NPNT: variants seen among roughly 807,000 people sequenced by gnomAD.
NPNT encodes the protein nephronectin.
NPNT carries 45 observed loss-of-function variants against 68.6 expected under a neutral mutation model. The observed-to-expected ratio is 0.66, with a 90% confidence interval of 0.52 to 0.84. NPNT has a LOEUF of 0.84. Among genes scored for constraint, NPNT ranks in the 40% least tolerant of loss-of-function variants. NPNT has a pLI of 0.00. For missense variants in NPNT, 672 were observed against 714.8 expected, an observed-to-expected ratio of 0.94 and a Z score of 0.68; for synonymous variants, 233 against 253.3, an observed-to-expected ratio of 0.92 and a Z score of 0.76.
rs1316579900 is a variant in NPNT at position 105,971,150 on chromosome 4, T to C, written c.*2160T>C. The C allele has an allele frequency of 1.1e-5, 5 of 455,804 alleles. No individual in the cohort carries two copies. The highest frequency in any genetic ancestry group is 1.8e-5 in the Non-Finnish European group (4 of 226,426). The allele number at this position is 455,804 out of a possible 1,614,324, so 28.2% of individuals were successfully genotyped here. A position where few individuals can be genotyped will look rare whatever the true frequency, so the allele number is the denominator to read the frequency against. On this transcript the variant is annotated 3_prime_UTR_variant, in exon 12 of 12. Coordinates refer to ENST00000379987, the MANE Select transcript of NPNT (RefSeq NM_001033047.3). Reference sequence around the variant, plus strand: ...GGAACACAGTTCAGAGAGATTTTCATCGGGTGCATTCTCTCTGCTTCGTGT... The same window carrying C: ...GGAACACAGTTCAGAGAGATTTTCACCGGGTGCATTCTCTCTGCTTCGTGT...
intron 8 of NPNT, among the ~76,000 whole-genome samples, chr4:105,948,342 A>G (rs1560532339): frequency 6.6e-6 from 1 of 152,192 alleles, no homozygotes; most frequent in Non-Finnish European, 1.5e-5. Context: ...TTCTACCTCT[A>G]TTTATGAGGT....
At chr4:105,909,061 G>A (rs1158729729) in intron 2 of NPNT, among the ~76,000 whole-genome samples, 1 of 152,046 alleles carries the variant, frequency 6.6e-6, no homozygotes, top group African/African-American at 2.4e-5. Flanking sequence ...GTAGGTACTT[G>A]GTAATTATCA....
At chr4:105,903,783 C>CT (rs746122761) in intron 2 of NPNT, among the ~76,000 whole-genome samples, 10,888 of 126,912 alleles carry the variant, frequency 0.086, 1,150 homozygotes, top group African/African-American at 0.24. Context: ...GACCTTCTTA[C>CT]TTTTTTTTTT....
intron 2 of NPNT, chr4:105,902,693 G>A (rs1261969600): frequency 1.3e-5 from 2 of 152,286 alleles, no homozygotes; most frequent in African/African-American, 2.4e-5. Flanking sequence ...TTCCTTGAAA[G>A]GTTGTTTAAG....
intron 9 of NPNT, 84 bp downstream of exon 9, chr4:105,958,641 G>T: frequency 1.4e-6 from 1 of 732,628 alleles, no homozygotes; most frequent in South Asian, 2.8e-5. Context: ...AGATCGTTTG[G>T]ACCATTTGGG....
At chr4:105,959,753 A>T (rs1474210861) in intron 10 of NPNT, among the ~76,000 whole-genome samples, 1 of 151,766 alleles carries the variant, frequency 6.6e-6, no homozygotes, top group Non-Finnish European at 1.5e-5. Context: ...TTTAGTACTC[A>T]TAAGACATCT....
At chr4:105,962,709 G>C (rs914280805) in intron 10 of NPNT, among the ~76,000 whole-genome samples, 5 of 152,078 alleles carry the variant, frequency 3.3e-5, no homozygotes, top group Admixed American at 3.3e-4. Flanking sequence ...AGAGTTGGAA[G>C]GCAGGATATG....
intron 8 of NPNT, among the ~76,000 whole-genome samples, chr4:105,946,158 G>A (rs1730368887): frequency 2.0e-5 from 3 of 152,110 alleles, no homozygotes; most frequent in Non-Finnish European, 4.4e-5. Flanking sequence ...TTAAAACAAT[G>A]TTTCCTGTAA....
rs1349565370 is a variant in NPNT at position 105,970,301 on chromosome 4, A to G, written c.*1311A>G. The G allele has an allele frequency of 1.6e-6, 1 of 619,434 alleles. No homozygotes were observed. The allele number at this position is 619,434 out of a possible 1,614,324, so 38.4% of individuals were successfully genotyped here. ...TATTTTACCAATATATTAAAAAACA[A>G]TGTAACTTTTAAAAGGCATCATTCC... On this transcript the variant is annotated 3_prime_UTR_variant, in exon 12 of 12. Coordinates refer to ENST00000379987, the MANE Select transcript of NPNT (RefSeq NM_001033047.3).
Position 105,895,720 on chromosome 4 carries a change from G to C in NPNT, c.68G>C (p.Gly23Ala), listed in dbSNP as rs982764254. The C allele has an allele frequency of 1.3e-6, 2 of 1,552,764 alleles. No individual in the cohort carries two copies. The highest frequency in any genetic ancestry group is 1.7e-6 in the Non-Finnish European group (2 of 1,147,540). The change falls in exon 1 of 12, where the codon GGG becomes GCG. Residue 23 changes from glycine to alanine, a missense_variant. Physicochemically the swap from Gly to Ala is moderately conservative, Grantham distance 60. Coordinates refer to ENST00000379987, the MANE Select transcript of NPNT (RefSeq NM_001033047.3). The stretch of plus-strand genomic sequence containing the variant: ...CTGCAGGCGGCCGCCGAGTTCGACG[G>C]GAGGTGAGCTGGGCCCCGGGGCGCC... ...LYLQAAAEFD[G>A]RWPRQIVSSI...
At chr4:105,908,494 AG>A (rs1342445094) in intron 2 of NPNT, among the ~76,000 whole-genome samples, 9 of 152,188 alleles carry the variant, frequency 5.9e-5, no homozygotes, top group African/African-American at 2.2e-4. Flanking sequence ...TATATACAAA[AG>A]GAAAACACAA....
At chr4:105,965,178 A>C (rs768280696) in intron 10 of NPNT, among the ~76,000 whole-genome samples, 1 of 152,148 alleles carries the variant, frequency 6.6e-6, no homozygotes, top group Non-Finnish European at 1.5e-5. Flanking sequence ...AATTCTTGAG[A>C]TATTGTGATA....
At chr4:105,925,889 T>C (rs547813933) in intron 2 of NPNT, among the ~76,000 whole-genome samples, 53 of 152,302 alleles carry the variant, frequency 3.5e-4, no homozygotes, top group Non-Finnish European at 6.8e-4. Flanking sequence ...TATCAGGCAG[T>C]TATGATGATA....
In NPNT at chr4:105,907,129, A is replaced by T. The variant is rs543340642; in HGVS notation, c.172+9128A>T. On this transcript the variant is annotated intron_variant, in intron 2 of 11. Transcript: ENST00000379987. Reference sequence around the variant, plus strand: ...GATTTATATAAGTTGCTTAGACCTGAACAGACTCAAAGCAGAGTCTGTAGG... The same window carrying T: ...GATTTATATAAGTTGCTTAGACCTGTACAGACTCAAAGCAGAGTCTGTAGG... Among the ~76,000 whole-genome samples, 7 of 152,256 alleles carry T rather than the reference A, an allele frequency of 4.6e-5. No individual in the cohort carries two copies. In the East Asian group the frequency reaches 1.4e-3, roughly 29 times the overall value.
At chr4:105,929,000 T>C (rs1728906298) in intron 3 of NPNT, among the ~76,000 whole-genome samples, 1 of 152,120 alleles carries the variant, frequency 6.6e-6, no homozygotes, top group African/African-American at 2.4e-5. Flanking sequence ...GTGGAAAACA[T>C]GAAGCTTTGT....
Position 105,960,762 on chromosome 4 carries a change from G to A in NPNT, c.1345+1636G>A, listed in dbSNP as rs751536139. On this transcript the variant is annotated intron_variant, in intron 10 of 11. Coordinates refer to ENST00000379987, the MANE Select transcript of NPNT (RefSeq NM_001033047.3). Reference sequence around the variant, plus strand: ...ATAAGAGAGAAACCAACATATCTACGTGTGTGTGTGTGTGTGTGTGTATAC... The same window carrying A: ...ATAAGAGAGAAACCAACATATCTACATGTGTGTGTGTGTGTGTGTGTATAC... Among the ~76,000 whole-genome samples the A allele has an allele frequency of 6.9e-5, 7 of 102,136 alleles. No homozygotes were observed. The South Asian group carries it at 7.3e-4, about 11-fold the overall frequency. The allele number at this position is 102,136 out of a possible 152,430, so 67.0% of individuals were successfully genotyped here.
chr4:105,927,511 T>C, intron 3 of NPNT, 83 bp downstream of exon 3: 1 of 726,404 alleles, frequency 1.4e-6, no homozygotes, highest in South Asian at 2.4e-5. Context: ...CTCAAACTAC[T>C]TTCCATGGCT....
rs1448945904 is a variant in NPNT at position 105,969,622 on chromosome 4, A to G, written c.*632A>G. On this transcript the variant is annotated 3_prime_UTR_variant, in exon 12 of 12. Coordinates refer to ENST00000379987, the MANE Select transcript of NPNT (RefSeq NM_001033047.3). Reference sequence around the variant, plus strand: ...TAGAGTGGGCACGTAATCCCTCCTTAGTAGTATTGTGTTTTGTGTAAATGT... The same window carrying G: ...TAGAGTGGGCACGTAATCCCTCCTTGGTAGTATTGTGTTTTGTGTAAATGT... 6.6e-6 allele frequency: 1 copy of G among 151,758 alleles called. No individual in the cohort carries two copies. Among genetic ancestry groups the G allele is most frequent in the Non-Finnish European group, 1.5e-5 (1 of 67,992 alleles). The allele number at this position is 151,758 out of a possible 1,614,324, so 9.4% of individuals were successfully genotyped here. A position where few individuals can be genotyped will look rare whatever the true frequency, so the allele number is the denominator to read the frequency against.
At position 105,967,263 on chromosome 4, in the gene NPNT, G is replaced by A. The variant is rs201656446; in HGVS notation, c.1421G>A (p.Arg474His). The change falls in exon 11 of 12, where the codon CGC becomes CAC. Residue 474 changes from arginine (R) to histidine (H), a missense_variant. Coordinates refer to ENST00000379987, the MANE Select transcript of NPNT (RefSeq NM_001033047.3). Reference protein sequence around the residue: ...KAARLVLPLGRLMHSGDLCLS... With the variant: ...KAARLVLPLGHLMHSGDLCLS... ...GCACGCTTGGTGCTACCTCTCGGCC[G>A]CCTCATGCATTCAGGGGACCTGTGC... 4.7e-5 allele frequency: 76 copies of A among 1,613,870 alleles called. No individual in the cohort carries two copies. The highest frequency in any genetic ancestry group is 4.0e-4 in the East Asian group (18 of 44,864).
Sources: gnomAD v4.1 joint callset for allele counts (sites outside exome capture counted in the v4.1 genomes callset) on GRCh38, gnomAD v4.1.1 for gene constraint, MANE v1.5 for transcripts, NCBI Gene and HGNC (gene_info 2026-07-23, HGNC 2026-07-21) for gene names.